Variants in JAKMIP2 observed in about 807,000 individuals in gnomAD.
JAKMIP2 encodes janus kinase and microtubule interacting protein 2.
JAKMIP2 carries 25 observed loss-of-function variants against 115.0 expected under a neutral mutation model. The observed-to-expected ratio is 0.22, with a 90% confidence interval of 0.16 to 0.30. The LOEUF (loss-of-function observed/expected upper bound fraction) is 0.30. Ranked by LOEUF, JAKMIP2 falls within the 10% of genes least tolerant of loss-of-function variation. JAKMIP2 has a pLI of 1.00. For synonymous variants in JAKMIP2, 334 were observed against 343.6 expected, an observed-to-expected ratio of 0.97 and a Z score of 0.31; for missense variants, 642 against 957.6, an observed-to-expected ratio of 0.67 and a Z score of 4.35.
chr5:147,636,389 T>C, intron 11 of JAKMIP2, 105 bp from the exon 12 acceptor site: 1 of 881,854 alleles, frequency 1.1e-6, no homozygotes, highest in Non-Finnish European at 1.8e-6. Flanking sequence ...CCCTGTTTGT[T>C]TGCCTGCCAA....
chr5:147,715,737 C>A (rs189732099), intron 1 of JAKMIP2, among the ~76,000 whole-genome samples: 70 of 151,346 alleles, frequency 4.6e-4, no homozygotes, highest in African/African-American at 1.7e-3. Context: ...CTAAAACATT[C>A]ATCTCTGAGT....
chr5:147,632,011 T>A lies in JAKMIP2; in HGVS notation c.1777-500A>T, dbSNP rs540243701. ...AACTGGCAAAATAACAGAAATCAAA[T>A]GGGAATTTTTCTTATACTTTATATA... On this transcript the variant is annotated intron_variant, in intron 13 of 21. Coordinates refer to ENST00000616793, the MANE Select transcript of JAKMIP2 (RefSeq NM_001270941.2). Among the ~76,000 whole-genome samples the A allele has an allele frequency of 1.8e-4, 28 of 152,268 alleles. 1 individual carries two copies. The South Asian group carries it at 3.9e-3, about 21-fold the overall frequency.
chr5:147,615,343 A>G (rs1756517181), intron 19 of JAKMIP2, among the ~76,000 whole-genome samples: 1 of 152,178 alleles, frequency 6.6e-6, no homozygotes, highest in Admixed American at 6.6e-5. Context: ...TGCAATGGAA[A>G]CTAATGGACA....
intron 1 of JAKMIP2, among the ~76,000 whole-genome samples, chr5:147,673,660 T>C (rs1768041661): frequency 1.3e-5 from 2 of 152,198 alleles, no homozygotes; most frequent in Admixed American, 6.5e-5. Flanking sequence ...ATTATTAAAG[T>C]GCAGGGCTGC....
At chr5:147,709,803 C>A (rs1477194039) in intron 1 of JAKMIP2, among the ~76,000 whole-genome samples, 1 of 152,146 alleles carries the variant, frequency 6.6e-6, no homozygotes, top group Non-Finnish European at 1.5e-5. Context: ...GAGCCAAGAT[C>A]ATGACACTGG....
chr5:147,641,252 A>C (rs1034487789), intron 8 of JAKMIP2, among the ~76,000 whole-genome samples: 8 of 152,202 alleles, frequency 5.3e-5, no homozygotes, highest in Non-Finnish European at 1.0e-4. Context: ...CCAAAATAAA[A>C]ATCAAATAGA....
At position 147,704,656 on chromosome 5, in the gene JAKMIP2, A is replaced by G. The variant is rs181405747; in HGVS notation, c.-148-32702T>C. Among the ~76,000 whole-genome samples, 703 of 152,288 alleles carry G rather than the reference A, an allele frequency of 4.6e-3. 4 individuals carry two copies. The highest frequency in any genetic ancestry group is 7.7e-3 in the Admixed American group (118 of 15,286). On this transcript the variant is annotated intron_variant, in intron 1 of 21. Coordinates refer to ENST00000616793, the MANE Select transcript of JAKMIP2 (RefSeq NM_001270941.2). ...ATTATTAGCTTCTTCATGGAAAGCC[A>G]ACTGGATTCCCTCTGGTAATCAATT...
intron 3 of JAKMIP2, 160 bp downstream of exon 3, chr5:147,660,788 C>T (rs1299623344): frequency 5.4e-6 from 4 of 746,602 alleles, no homozygotes; most frequent in Middle Eastern, 3.9e-4. Context: ...ATTGATCTAC[C>T]TACCTACATA....
chr5:147,654,151 T>C (rs1758549799), intron 3 of JAKMIP2, among the ~76,000 whole-genome samples: 1 of 152,180 alleles, frequency 6.6e-6, no homozygotes, highest in Non-Finnish European at 1.5e-5. Flanking sequence ...GTGTGATGCC[T>C]CCAGCTCTGC....
At chr5:147,721,009 A>T (rs1753254298) in intron 1 of JAKMIP2, among the ~76,000 whole-genome samples, 1 of 151,274 alleles carries the variant, frequency 6.6e-6, no homozygotes, top group East Asian at 1.9e-4. Context: ...GATGATGGTG[A>T]TGTACAGATG....
intron 1 of JAKMIP2, among the ~76,000 whole-genome samples, chr5:147,729,129 G>A (rs1460397481): frequency 6.6e-6 from 1 of 152,210 alleles, no homozygotes; most frequent in Non-Finnish European, 1.5e-5. Context: ...AGAGGGAAGG[G>A]AGGGAGGAAT....
intron 21 of JAKMIP2, among the ~76,000 whole-genome samples, chr5:147,595,152 T>C (rs1160413561): frequency 6.6e-6 from 1 of 152,154 alleles, no homozygotes; most frequent in African/African-American, 2.4e-5. Flanking sequence ...ATAATATTAC[T>C]CAATCCTCAG....
chr5:147,659,354 G>A (rs1193686596), intron 3 of JAKMIP2, among the ~76,000 whole-genome samples: 1 of 152,102 alleles, frequency 6.6e-6, no homozygotes, highest in Non-Finnish European at 1.5e-5. Flanking sequence ...GGTTCTCTGT[G>A]GGTCACACCC....
At chr5:147,664,491 T>C (rs1431982208) in intron 2 of JAKMIP2, among the ~76,000 whole-genome samples, 1 of 152,142 alleles carries the variant, frequency 6.6e-6, no homozygotes, top group African/African-American at 2.4e-5. Flanking sequence ...CGTACCCAGA[T>C]GCCACAGTTT....
At chr5:147,595,395 C>T (rs566809986) in intron 21 of JAKMIP2, 6 of 455,526 alleles carry the variant, frequency 1.3e-5, no homozygotes, top group Non-Finnish European at 2.2e-5. Context: ...GGCTCTTTTG[C>T]CCCTCTGTTC....
chr5:147,588,460 T>A lies in JAKMIP2; in HGVS notation c.*3247A>T, dbSNP rs1327294370. 1 of 151,660 alleles carries A rather than the reference T, an allele frequency of 6.6e-6. No homozygotes were observed. The highest frequency in any genetic ancestry group is 1.5e-5 in the Non-Finnish European group (1 of 67,964). 9.4% of individuals were successfully genotyped at this position (151,660 alleles called of 1,614,324 possible). A position where few individuals can be genotyped will look rare whatever the true frequency, so the allele number is the denominator to read the frequency against. ...TGAACATCCCATCCAAGGGAAGCAT[T>A]CATTTAAACACGGTCCATTTCCATG... On this transcript the variant is annotated 3_prime_UTR_variant, in exon 22 of 22. Transcript: ENST00000616793.
chr5:147,621,116 A>G (rs1430491168), intron 17 of JAKMIP2, among the ~76,000 whole-genome samples: 1 of 152,228 alleles, frequency 6.6e-6, no homozygotes, highest in Non-Finnish European at 1.5e-5. Flanking sequence ...GCTGGGTTGC[A>G]TAATCAACAA....
intron 1 of JAKMIP2, among the ~76,000 whole-genome samples, chr5:147,718,583 T>C (rs1186419997): frequency 6.6e-6 from 1 of 151,368 alleles, no homozygotes; most frequent in African/African-American, 2.4e-5. Flanking sequence ...TGGGAGAGTG[T>C]ATGTGTCGAG....
At chr5:147,661,698 T>C (rs984504675) in intron 2 of JAKMIP2, 11 of 436,528 alleles carry the variant, frequency 2.5e-5, no homozygotes, top group Non-Finnish European at 4.5e-5. Flanking sequence ...TACTATGCAA[T>C]GTGTGGTCTG....
Sources: allele counts gnomAD v4.1 joint callset (sites outside exome capture counted in the v4.1 genomes callset), GRCh38; gene constraint gnomAD v4.1.1; transcripts MANE v1.5; gene names NCBI Gene and HGNC (gene_info 2026-07-23, HGNC 2026-07-21).